MAST4: variants seen among roughly 807,000 people sequenced by gnomAD.
MAST4 encodes microtubule-associated serine/threonine-protein kinase 4.
In MAST4, 89 loss-of-function variants were observed where a neutral mutation model predicts 162.7. That is an observed-to-expected ratio of 0.55 (90% CI 0.46 to 0.65). The LOEUF (loss-of-function observed/expected upper bound fraction) is 0.65. MAST4 is among the 30% of genes least tolerant of loss of function. The pLI is 0.00. For missense variants in MAST4, 3,153 were observed against 3,374.0 expected, an observed-to-expected ratio of 0.93 and a Z score of 1.62; for synonymous variants, 1,479 against 1,361.1, an observed-to-expected ratio of 1.09 and a Z score of -1.91.
chr5:66,810,794 A>G (rs1756437770), intron 3 of MAST4, among the ~76,000 whole-genome samples: 1 of 152,128 alleles, frequency 6.6e-6, no homozygotes, highest in Admixed American at 6.5e-5. Flanking sequence ...ACTGACTGTC[A>G]TAGGGTATTG....
chr5:66,885,332 CTT>C (rs939794491), intron 3 of MAST4, among the ~76,000 whole-genome samples: 5 of 152,218 alleles, frequency 3.3e-5, no homozygotes, highest in African/African-American at 1.2e-4. Flanking sequence ...ATTTTCCACA[CTT>C]TTTAGTTAAA....
At chr5:66,684,035 G>A (rs1328173635) in intron 1 of MAST4, among the ~76,000 whole-genome samples, 2 of 152,308 alleles carry the variant, frequency 1.3e-5, no homozygotes, top group Non-Finnish European at 2.9e-5. Flanking sequence ...TCTTTTAGAT[G>A]TTGGAGAACA....
Position 67,165,361 on chromosome 5 carries a change from T to A in MAST4, c.6182T>A (p.Leu2061Gln), listed in dbSNP as rs1451979590. 4 of 1,613,574 alleles carry A rather than the reference T, an allele frequency of 2.5e-6. No individual in the cohort carries two copies. The highest frequency in any genetic ancestry group is 3.4e-6 in the Non-Finnish European group (4 of 1,179,870). ...ARPPPRDNSSLHSAGIPCEKE... is the reference protein window; with the variant it reads ...ARPPPRDNSSQHSAGIPCEKE... ...CCCCCGCCCAGAGACAACTCCTCTC[T>A]GCACTCAGCTGGAATTCCCTGTGAG... The change falls in exon 29 of 29, where the codon CTG (leucine) becomes CAG (glutamine). Residue 2061 changes from leucine to glutamine, a missense_variant. Around this residue, in one of 7 missense-constraint regions of MAST4, gnomAD observed 1,644 missense variants for 1,495.0 expected, o/e 1.10. Transcript: ENST00000403625.
chr5:66,687,526 A>G (rs1326088121), intron 1 of MAST4, among the ~76,000 whole-genome samples: 1 of 151,888 alleles, frequency 6.6e-6, no homozygotes, highest in Admixed American at 6.6e-5. Flanking sequence ...GTGTGTGTAC[A>G]TGTGTATATA....
chr5:66,706,579 T>G (rs1021329611), intron 1 of MAST4, among the ~76,000 whole-genome samples: 1 of 151,108 alleles, frequency 6.6e-6, no homozygotes, highest in African/African-American at 2.4e-5. Context: ...AGAAAGTGTG[T>G]GTTCTGAGTA....
At chr5:67,109,156 G>T (rs536651553) in intron 10 of MAST4, among the ~76,000 whole-genome samples, 2 of 151,966 alleles carry the variant, frequency 1.3e-5, no homozygotes, top group African/African-American at 2.4e-5. Flanking sequence ...AATTTTAAAA[G>T]ATTTTAAGTT....
In MAST4 at chr5:67,110,094, A is replaced by G. The variant is rs759836616; in HGVS notation, c.1357-4A>G. On this transcript the variant is annotated splice_polypyrimidine_tract_variant and splice_region_variant and intron_variant, in intron 10 of 28. Coordinates refer to ENST00000403625, the MANE Select transcript of MAST4 (RefSeq NM_001164664.2). ...TCATCACTCTCTTTATTGCTTTTTC[A>G]TAGGCTCATGATCGTTCAGAAAGTG... is the stretch of plus-strand genomic sequence containing the variant. The G allele has an allele frequency of 1.4e-5, 23 of 1,608,890 alleles. No individual in the cohort carries two copies. Among genetic ancestry groups the G allele is most frequent in the Non-Finnish European group, 2.0e-5 (23 of 1,175,524 alleles).
rs537164323 is a variant in MAST4, at chr5:67,000,358, G to A, written c.675-54046G>A. On this transcript the variant is annotated intron_variant, in intron 4 of 28. Transcript: ENST00000403625. ...CTTTGCAGACTTCACATCCACACTAGAAAACTAAGTCTTTTCATAGAATCT... is the reference window on the plus strand; with the variant it reads ...CTTTGCAGACTTCACATCCACACTAAAAAACTAAGTCTTTTCATAGAATCT... Among the ~76,000 whole-genome samples the A allele has an allele frequency of 4.6e-5, 7 of 152,324 alleles. No individual in the cohort carries two copies. The South Asian group carries it at 1.4e-3, about 32-fold the overall frequency.
intron 3 of MAST4, among the ~76,000 whole-genome samples, chr5:66,879,359 CACATATAT>C (rs139207355): frequency 0.3 from 41,721 of 137,238 alleles, 5,997 homozygotes; most frequent in East Asian, 0.53. Flanking sequence ...CACACACACA[CACATATAT>C]ATATATATAT....
At chr5:66,802,772 C>T (rs1023331517) in intron 3 of MAST4, among the ~76,000 whole-genome samples, 5 of 152,138 alleles carry the variant, frequency 3.3e-5, no homozygotes, top group Admixed American at 1.3e-4. Context: ...TATACCTTTC[C>T]CAATTAAGTG....
intron 4 of MAST4, among the ~76,000 whole-genome samples, chr5:67,007,404 C>T (rs182405513): frequency 6.6e-6 from 1 of 152,348 alleles, no homozygotes; most frequent in African/African-American, 2.4e-5. Context: ...CTGTCATCAT[C>T]AGTCAGATAT....
rs77993863 is a variant in MAST4, at chr5:66,769,121, C to T, written c.517+9259C>T. On this transcript the variant is annotated intron_variant, in intron 2 of 28. Coordinates refer to ENST00000403625, the MANE Select transcript of MAST4 (RefSeq NM_001164664.2). ...TGAGATCATGAATTGAAAGTGAAGCCGGTCTACGTGTTTGTGCAAAAGGTT... is the reference window on the plus strand; with the variant it reads ...TGAGATCATGAATTGAAAGTGAAGCTGGTCTACGTGTTTGTGCAAAAGGTT... Among the ~76,000 whole-genome samples the T allele has an allele frequency of 5.6e-3, 858 of 152,210 alleles. 7 individuals are homozygous for T. Among genetic ancestry groups the T allele is most frequent in the South Asian group, 0.05 (242 of 4,816 alleles).
At chr5:67,059,855 C>G (rs138693282) in intron 5 of MAST4, among the ~76,000 whole-genome samples, 7 of 152,082 alleles carry the variant, frequency 4.6e-5, no homozygotes, top group Non-Finnish European at 7.4e-5. Context: ...GGTTAGTCAC[C>G]ACTGTATTTA....
At chr5:66,845,483 A>T (rs972728324) in intron 3 of MAST4, among the ~76,000 whole-genome samples, 1 of 152,030 alleles carries the variant, frequency 6.6e-6, no homozygotes, top group Non-Finnish European at 1.5e-5. Flanking sequence ...CATGGTGTAT[A>T]TGTGTCACAT....
intron 3 of MAST4, among the ~76,000 whole-genome samples, chr5:66,898,413 A>G (rs571235791): frequency 6.6e-6 from 1 of 152,356 alleles, no homozygotes; most frequent in African/African-American, 2.4e-5. Flanking sequence ...CCAAAGATCC[A>G]TGTATAGAAA....
intron 4 of MAST4, among the ~76,000 whole-genome samples, chr5:66,988,777 C>A (rs1749777102): frequency 6.6e-6 from 1 of 152,132 alleles, no homozygotes; most frequent in Non-Finnish European, 1.5e-5. Flanking sequence ...AAGTTTGAGT[C>A]TACAAAGATG....
chr5:66,839,535 G>T (rs1438249524), intron 3 of MAST4, among the ~76,000 whole-genome samples: 1 of 152,032 alleles, frequency 6.6e-6, no homozygotes, highest in Non-Finnish European at 1.5e-5. Context: ...AAGTAGTTCT[G>T]TGGTTTAGTA....
At chr5:66,828,690 A>C in intron 3 of MAST4, 1 of 1,129,390 alleles carries the variant, frequency 8.9e-7, no homozygotes, top group Non-Finnish European at 1.3e-6. Flanking sequence ...GCTGGAGTGA[A>C]TAACTAAGCT....
intron 24 of MAST4, among the ~76,000 whole-genome samples, chr5:67,151,478 G>A (rs1427701089): frequency 6.6e-6 from 1 of 152,180 alleles, no homozygotes; most frequent in Admixed American, 6.5e-5. Flanking sequence ...TACCTTGGGG[G>A]TTAGTTTTCA....
Sources: allele counts gnomAD v4.1 joint callset (sites outside exome capture counted in the v4.1 genomes callset), GRCh38; gene constraint gnomAD v4.1.1; regional missense constraint gnomAD v4.1.1; transcripts MANE v1.5; gene names NCBI Gene and HGNC (gene_info 2026-07-23, HGNC 2026-07-21).